The following NKAIN2 variants were observed in gnomAD, a reference collection of about 807,000 sequenced individuals.
NKAIN2 encodes sodium/potassium-transporting ATPase subunit beta-1-interacting protein 2.
In NKAIN2, 14 loss-of-function variants were observed where a neutral mutation model predicts 32.6. The observed-to-expected ratio is 0.43, with a 90% CI of 0.28 to 0.67. NKAIN2 has a LOEUF of 0.67. Ranked by LOEUF, NKAIN2 falls within the 30% of genes least tolerant of loss-of-function variation. NKAIN2 has a pLI of 0.17. For synonymous variants in NKAIN2, 80 were observed against 87.2 expected, an observed-to-expected ratio of 0.92 and a Z score of 0.46; for missense variants, 198 against 258.3, an observed-to-expected ratio of 0.77 and a Z score of 1.60.
At chr6:124,057,026 A>G (rs1360243799) in intron 1 of NKAIN2, among the ~76,000 whole-genome samples, 1 of 152,072 alleles carries the variant, frequency 6.6e-6, no homozygotes, top group African/African-American at 2.4e-5. Flanking sequence ...GTTTTCACCT[A>G]TGTTTACCCA....
Position 124,825,149 on chromosome 6 carries a change from T to A in NKAIN2, c.*1920T>A, listed in dbSNP as rs1405902925. On this transcript the variant is annotated 3_prime_UTR_variant, in exon 7 of 7. Coordinates refer to ENST00000368417, the MANE Select transcript of NKAIN2 (RefSeq NM_001040214.3). Reference sequence around the variant, plus strand: ...TATAAATACTATACATGCCAGAAACTATTCTAATGTGACTTTTAATGTGAC... The same window carrying A: ...TATAAATACTATACATGCCAGAAACAATTCTAATGTGACTTTTAATGTGAC... The A allele has an allele frequency of 6.6e-6, 1 of 152,634 alleles. No individual in the cohort carries two copies. Among genetic ancestry groups the A allele is most frequent in the Non-Finnish European group, 1.5e-5 (1 of 68,030 alleles). The allele number at this position is 152,634 out of a possible 1,614,324, so 9.5% of individuals were successfully genotyped here.
At chr6:124,344,893 A>C (rs150267995) in intron 2 of NKAIN2, among the ~76,000 whole-genome samples, 2 of 151,946 alleles carry the variant, frequency 1.3e-5, no homozygotes, top group Non-Finnish European at 2.9e-5. Flanking sequence ...GTGAGAGAGG[A>C]CATCCCTGTC....
chr6:124,710,993 G>T (rs62431867), intron 4 of NKAIN2, among the ~76,000 whole-genome samples: 19 of 147,844 alleles, frequency 1.3e-4, no homozygotes, highest in Non-Finnish European at 2.4e-4. Context: ...CATGTTTAGC[G>T]CTTCCTTCAG....
At chr6:124,071,794 A>G (rs1207127824) in intron 1 of NKAIN2, among the ~76,000 whole-genome samples, 1 of 152,184 alleles carries the variant, frequency 6.6e-6, no homozygotes, top group African/African-American at 2.4e-5. Context: ...CACACCAGTC[A>G]GGATTGTTAT....
chr6:124,150,884 T>C (rs1787681843), intron 1 of NKAIN2, among the ~76,000 whole-genome samples: 1 of 152,194 alleles, frequency 6.6e-6, no homozygotes, highest in South Asian at 2.1e-4. Context: ...AAAAACATTA[T>C]ATTTGTCTGA....
chr6:123,959,081 A>G (rs1368527896), intron 1 of NKAIN2, among the ~76,000 whole-genome samples: 1 of 152,122 alleles, frequency 6.6e-6, no homozygotes, highest in Non-Finnish European at 1.5e-5. Flanking sequence ...ATGACAGAGG[A>G]AAGAGAGTTT....
At position 123,838,157 on chromosome 6, in the gene NKAIN2, T is replaced by C. The variant is rs528274386; in HGVS notation, c.54+33903T>C. Among the ~76,000 whole-genome samples, 12 of 152,280 alleles carry C rather than the reference T, an allele frequency of 7.9e-5. No individual in the cohort carries two copies. The South Asian group carries it at 1.2e-3, about 16-fold the overall frequency. ...AAAGTTTGTTTCAGGAATGCAACAA[T>C]GATTTTAAATTTTCTCTTTTTTTCT... On this transcript the variant is annotated intron_variant, in intron 1 of 6. Transcript: ENST00000368417.
intron 4 of NKAIN2, among the ~76,000 whole-genome samples, chr6:124,699,040 A>G (rs1774636971): frequency 6.6e-6 from 1 of 152,150 alleles, no homozygotes; most frequent in African/African-American, 2.4e-5. Context: ...CCTGTCTATA[A>G]AATGAGATTG....
chr6:124,533,267 C>T (rs544613040), intron 3 of NKAIN2, among the ~76,000 whole-genome samples: 23 of 151,874 alleles, frequency 1.5e-4, no homozygotes, highest in African/African-American at 3.9e-4. Context: ...GCTTGGAGAT[C>T]GAGACCATCC....
intron 1 of NKAIN2, among the ~76,000 whole-genome samples, chr6:124,003,252 T>G (rs139785737): frequency 1.3e-5 from 2 of 152,320 alleles, no homozygotes; most frequent in African/African-American, 4.8e-5. Context: ...TACACATTAG[T>G]GACATTGTTT....
chr6:124,767,708 C>T lies in NKAIN2; in HGVS notation c.475-23631C>T, dbSNP rs148730548. Among the ~76,000 whole-genome samples, 636 of 152,270 alleles carry T rather than the reference C, an allele frequency of 4.2e-3. 4 individuals carry two copies. Among genetic ancestry groups the T allele is most frequent in the African/African-American group, 0.015 (611 of 41,550 alleles). ...ATCTTTCACTGTTGTTCTCTCCTTT[C>T]AACACTCTGGTGGTCCTGCATCCAT... On this transcript the variant is annotated intron_variant, in intron 4 of 6. Transcript: ENST00000368417.
At chr6:124,655,782 A>C (rs566183452) in intron 3 of NKAIN2, among the ~76,000 whole-genome samples, 1 of 152,294 alleles carries the variant, frequency 6.6e-6, no homozygotes, top group African/African-American at 2.4e-5. Flanking sequence ...GCTTTGTATG[A>C]TAAATTTTGC....
intron 1 of NKAIN2, among the ~76,000 whole-genome samples, chr6:124,199,073 A>C (rs1320603991): frequency 6.6e-6 from 1 of 152,182 alleles, no homozygotes; most frequent in Non-Finnish European, 1.5e-5. Flanking sequence ...GATGTGTCCC[A>C]CAATTTATTT....
chr6:124,770,796 A>G (rs375882360), intron 4 of NKAIN2, among the ~76,000 whole-genome samples: 9 of 152,068 alleles, frequency 5.9e-5, no homozygotes, highest in African/African-American at 9.7e-5. Context: ...CACTAGCCCA[A>G]TGATTCTTAC....
intron 5 of NKAIN2, among the ~76,000 whole-genome samples, chr6:124,814,315 T>C (rs1425035368): frequency 6.6e-6 from 1 of 152,230 alleles, no homozygotes; most frequent in East Asian, 1.9e-4. Context: ...TCCTTGGCTG[T>C]GAACTCAAGC....
chr6:124,210,915 A>G (rs1791140772), intron 1 of NKAIN2, among the ~76,000 whole-genome samples: 1 of 151,692 alleles, frequency 6.6e-6, no homozygotes, highest in South Asian at 2.1e-4. Context: ...CTCCTTTCCA[A>G]TTTAGATACT....
intron 4 of NKAIN2, among the ~76,000 whole-genome samples, chr6:124,701,145 ACACACACG>A (rs1384526765): frequency 3.2e-5 from 4 of 123,464 alleles, no homozygotes; most frequent in Non-Finnish European, 5.1e-5. Context: ...AGATACACAC[ACACACACG>A]CACACACACA....
chr6:124,250,413 T>C (rs1303457249), intron 1 of NKAIN2, among the ~76,000 whole-genome samples: 1 of 151,888 alleles, frequency 6.6e-6, no homozygotes. Context: ...ATAATAAAAC[T>C]ATGGACTCCA....
chr6:124,408,453 A>T (rs1226894266), intron 3 of NKAIN2, among the ~76,000 whole-genome samples: 1 of 152,228 alleles, frequency 6.6e-6, no homozygotes, highest in Non-Finnish European at 1.5e-5. Flanking sequence ...TTAAATAGGG[A>T]ATCCTTTCCC....
Sources: gnomAD v4.1 joint callset for allele counts (sites outside exome capture counted in the v4.1 genomes callset) on GRCh38, gnomAD v4.1.1 for gene constraint, MANE v1.5 for transcripts, NCBI Gene and HGNC (gene_info 2026-07-23, HGNC 2026-07-21) for gene names.